CCDC141: variants seen among roughly 807,000 people sequenced by gnomAD.
The protein encoded by CCDC141 is coiled-coil domain-containing protein 141.
In CCDC141, 168 loss-of-function variants were observed where a neutral mutation model predicts 181.0. That is an observed-to-expected ratio of 0.93 (90% CI 0.82 to 1.05). CCDC141 has a LOEUF of 1.05. Among genes scored for constraint, CCDC141 ranks in the 50% least tolerant of loss-of-function variants. The pLI is 0.00. For synonymous variants in CCDC141, 666 were observed against 642.3 expected (o/e 1.04, Z -0.56); for missense variants, 1,902 against 1,788.5 (o/e 1.06, Z -1.14).
At position 178,919,850 on chromosome 2, in the gene CCDC141, G is replaced by A. The variant is rs964181636; in HGVS notation, c.898-943C>T. Among the ~76,000 whole-genome samples, 6 of 152,158 alleles carry A rather than the reference G, an allele frequency of 3.9e-5. No homozygotes were observed. The East Asian group carries it at 1.2e-3, about 29-fold the overall frequency. On this transcript the variant is annotated intron_variant, in intron 6 of 23. Coordinates refer to ENST00000443758, the MANE Select transcript of CCDC141 (RefSeq NM_173648.4). ...GTTACTCCTCATAAAATGAATAGCT[G>A]TTATTGTTCGGTATTTTCTCCTTCA...
In CCDC141 at chr2:178,849,964, A is replaced by T. The variant is rs1426836126; in HGVS notation, c.3357+85T>A. On this transcript the variant is annotated intron_variant, in intron 21 of 23. Coordinates refer to ENST00000443758, the MANE Select transcript of CCDC141 (RefSeq NM_173648.4). ...TTATGTACCCTGAGAAATTCTGTTA[A>T]AATGTCTTTGCACCAGAAGACATTT... 10 of 733,914 alleles carry T rather than the reference A, an allele frequency of 1.4e-5. No individual in the cohort carries two copies. In the African/African-American group the frequency reaches 1.8e-4, roughly 13 times the overall value. The allele number at this position is 733,914 out of a possible 1,614,324, so 45.5% of individuals were successfully genotyped here. A position where few individuals can be genotyped will look rare whatever the true frequency, so the allele number is the denominator to read the frequency against.
chr2:178,915,115 G>C (rs1185781142), intron 7 of CCDC141, among the ~76,000 whole-genome samples: 2 of 152,048 alleles, frequency 1.3e-5, no homozygotes, highest in African/African-American at 4.8e-5. Context: ...CAGGGCTACA[G>C]TGAGCTGTGA....
At chr2:178,952,773 T>G (rs1216644689) in intron 5 of CCDC141, among the ~76,000 whole-genome samples, 1 of 152,236 alleles carries the variant, frequency 6.6e-6, no homozygotes, top group Non-Finnish European at 1.5e-5. Context: ...TTATACCTGT[T>G]ACTGACCCAA....
At chr2:178,826,543 T>A (rs2154364845), downstream of CCDC141, among the ~76,000 whole-genome samples, 1 of 152,266 alleles carries the variant, frequency 6.6e-6, no homozygotes, top group African/African-American at 2.4e-5. Flanking sequence ...ACCAGTGAAA[T>A]CATCTGGGCC....
rs1452838868 is a variant in CCDC141 at position 179,015,067 on chromosome 2, G to GAGATATATAT, written c.225+32216_225+32217insATATATATCT. On this transcript the variant is annotated intron_variant, in intron 2 of 23. Transcript: ENST00000443758. ...GTGGATAAACTGTGAGAGAGACAGAGATATATATATATATATATATATATA... is the reference window on the plus strand; with the variant it reads ...GTGGATAAACTGTGAGAGAGACAGAGAGATATATATATATATATATATATATATATATATA... 3.5e-4 allele frequency among the ~76,000 whole-genome samples: 14 copies of GAGATATATAT among 39,602 alleles called. 1 individual carries two copies. The highest frequency in any genetic ancestry group is 2.1e-3 in the East Asian group (3 of 1,460). The allele number at this position is 39,602 out of a possible 152,430, so 26.0% of individuals were successfully genotyped here.
intron 4 of CCDC141, among the ~76,000 whole-genome samples, chr2:178,964,937 C>T (rs930454114): frequency 3.3e-5 from 5 of 152,076 alleles, no homozygotes; most frequent in Non-Finnish European, 7.4e-5. Flanking sequence ...AATTTTCAAT[C>T]TATCTAAAAA....
At chr2:179,005,810 A>G (rs2042108164) in intron 2 of CCDC141, among the ~76,000 whole-genome samples, 1 of 152,126 alleles carries the variant, frequency 6.6e-6, no homozygotes, top group Non-Finnish European at 1.5e-5. Flanking sequence ...GGGTTTCACC[A>G]TGTTGGCCAG....
At chr2:178,942,505 G>A (rs1315878084) in intron 6 of CCDC141, among the ~76,000 whole-genome samples, 2 of 152,164 alleles carry the variant, frequency 1.3e-5, no homozygotes, top group African/African-American at 4.8e-5. Context: ...GGTGTGGAAA[G>A]GAATGAACAG....
At chr2:178,889,100 TACATA>T (rs544194771) in intron 8 of CCDC141, among the ~76,000 whole-genome samples, 10 of 152,296 alleles carry the variant, frequency 6.6e-5, no homozygotes, top group African/African-American at 2.4e-4. Context: ...GTAAAATATT[TACATA>T]ACACTAAGGT....
At chr2:178,982,385 C>T (rs1475689343) in intron 2 of CCDC141, among the ~76,000 whole-genome samples, 2 of 152,094 alleles carry the variant, frequency 1.3e-5, no homozygotes, top group Non-Finnish European at 2.9e-5. Context: ...CCTAGGAATA[C>T]ATTTAACCAA....
chr2:178,944,127 A>G (rs1375684118), intron 6 of CCDC141, among the ~76,000 whole-genome samples: 3 of 152,192 alleles, frequency 2.0e-5, no homozygotes, highest in Non-Finnish European at 4.4e-5. Context: ...TGAATTTCAA[A>G]TCTGCCACTG....
At chr2:178,874,063 A>G (rs958328480) in intron 12 of CCDC141, 1 of 152,192 alleles carries the variant, frequency 6.6e-6, no homozygotes, top group Admixed American at 6.5e-5. Context: ...ACAACCCAAT[A>G]AAGAACAGAA....
At chr2:178,873,849 CTGA>C (rs1367017296) in intron 12 of CCDC141, 2 of 152,146 alleles carry the variant, frequency 1.3e-5, no homozygotes, top group Non-Finnish European at 2.9e-5. Flanking sequence ...GAATGGTTTT[CTGA>C]TGTCTTGCTT....
At chr2:178,901,004 C>T (rs1301097929) in intron 8 of CCDC141, among the ~76,000 whole-genome samples, 1 of 152,094 alleles carries the variant, frequency 6.6e-6, no homozygotes, top group East Asian at 1.9e-4. Context: ...TGGAACTAAG[C>T]AGAGCCTGGA....
At chr2:178,889,921 C>T (rs1213183422) in intron 8 of CCDC141, among the ~76,000 whole-genome samples, 3 of 152,118 alleles carry the variant, frequency 2.0e-5, no homozygotes, top group Non-Finnish European at 4.4e-5. Context: ...TAGTTCTTAA[C>T]AACACTAAAT....
At chr2:178,934,924 C>T (rs185216560) in intron 6 of CCDC141, among the ~76,000 whole-genome samples, 3 of 152,180 alleles carry the variant, frequency 2.0e-5, no homozygotes, top group Admixed American at 2.0e-4. Flanking sequence ...CACACCCAAA[C>T]AAAAGTCCAA....
At chr2:178,939,601 T>C (rs1332153067) in intron 6 of CCDC141, among the ~76,000 whole-genome samples, 2 of 152,020 alleles carry the variant, frequency 1.3e-5, no homozygotes, top group African/African-American at 2.4e-5. Flanking sequence ...ATTAGAGAGG[T>C]AGGCAACCTG....
At chr2:178,938,175 C>G (rs900642642) in intron 6 of CCDC141, among the ~76,000 whole-genome samples, 5 of 152,158 alleles carry the variant, frequency 3.3e-5, no homozygotes, top group African/African-American at 1.2e-4. Context: ...TGAGATCATT[C>G]TAACTTCTTG....
At chr2:178,853,267 C>T (rs568785917) in intron 20 of CCDC141, among the ~76,000 whole-genome samples, 174 bp downstream of exon 20, 15 of 152,314 alleles carry the variant, frequency 9.8e-5, no homozygotes, top group African/African-American at 3.6e-4. Flanking sequence ...AAATTCCTCC[C>T]TCTGTTCCCT....
Sources: gnomAD v4.1 joint callset for allele counts (sites outside exome capture counted in the v4.1 genomes callset) on GRCh38, gnomAD v4.1.1 for gene constraint, MANE v1.5 for transcripts, NCBI Gene and HGNC (gene_info 2026-07-23, HGNC 2026-07-21) for gene names.